NBAS: variants seen among roughly 807,000 people sequenced by gnomAD.
The protein encoded by NBAS is NAG/BC035112 fusion.
NBAS carries 219 observed loss-of-function variants against 302.5 expected under a neutral mutation model. That is an observed-to-expected ratio of 0.72 (90% confidence interval 0.65 to 0.81). The LOEUF (loss-of-function observed/expected upper bound fraction) is 0.81, where lower values mean the gene tolerates loss of function less well. NBAS is among the 30% of genes least tolerant of loss of function. The probability of loss-of-function intolerance (pLI) is 0.00; values close to 1 mark genes in which losing one functional copy is unlikely to be tolerated. For synonymous variants in NBAS, 1,118 were observed against 1,021.6 expected (o/e 1.09, Z -1.80); for missense variants, 2,932 against 2,841.6 (o/e 1.03, Z -0.72).
the NBAS span, among the ~76,000 whole-genome samples, chr2:14,809,593 G>A: frequency 6.6e-6 from 1 of 152,254 alleles, no homozygotes. Context: ...GAAGTTTGCT[G>A]CAGGGGCAGG....
At chr2:14,829,255 T>C in the NBAS span, among the ~76,000 whole-genome samples, 6 of 152,102 alleles carry the variant, frequency 3.9e-5, no homozygotes, top group East Asian at 1.2e-3. Flanking sequence ...ATGACTGCTT[T>C]GAAAGAGTTA....
the NBAS span, among the ~76,000 whole-genome samples, chr2:14,904,667 T>C: frequency 1.3e-5 from 2 of 151,968 alleles, no homozygotes; most frequent in Non-Finnish European, 2.9e-5. Flanking sequence ...ATAGGCTGTG[T>C]CACAGTCAGC....
At chr2:15,498,566 A>G (rs939571749) in intron 11 of NBAS, among the ~76,000 whole-genome samples, 4 of 152,324 alleles carry the variant, frequency 2.6e-5, no homozygotes, top group South Asian at 4.1e-4. Flanking sequence ...CATTCGAACC[A>G]GTAATCCCAT....
At chr2:14,880,717 AT>A in the NBAS span, among the ~76,000 whole-genome samples, 3 of 152,028 alleles carry the variant, frequency 2.0e-5, no homozygotes, top group African/African-American at 7.2e-5. Flanking sequence ...CAACATATAT[AT>A]TTTCTGGAAA....
the NBAS span, among the ~76,000 whole-genome samples, chr2:15,074,991 T>A: frequency 6.6e-6 from 1 of 152,172 alleles, no homozygotes; most frequent in Non-Finnish European, 1.5e-5. Flanking sequence ...ACTGGTAGAA[T>A]GTAATTTGAC....
intron 44 of NBAS, among the ~76,000 whole-genome samples, chr2:15,258,869 C>T (rs932037786): frequency 6.6e-6 from 1 of 152,160 alleles, no homozygotes; most frequent in Non-Finnish European, 1.5e-5. Context: ...CCTGTTCATA[C>T]AACCCGTCCC....
intron 44 of NBAS, among the ~76,000 whole-genome samples, chr2:15,243,996 G>A (rs545869052): frequency 1.3e-5 from 2 of 152,288 alleles, no homozygotes; most frequent in South Asian, 2.1e-4. Context: ...TGGACAAAAT[G>A]ACTCAGGGCA....
At chr2:15,325,411 T>A (rs1672019096) in intron 38 of NBAS, among the ~76,000 whole-genome samples, 1 of 152,162 alleles carries the variant, frequency 6.6e-6, no homozygotes, top group Non-Finnish European at 1.5e-5. Context: ...CATCTGAGCG[T>A]TCAGTAAGTC....
At chr2:15,363,792 C>A (rs1558272723) in intron 32 of NBAS, among the ~76,000 whole-genome samples, 1 of 152,154 alleles carries the variant, frequency 6.6e-6, no homozygotes, top group Non-Finnish European at 1.5e-5. Flanking sequence ...CAAGACAATT[C>A]CAATCTGAGC....
chr2:14,784,129 G>A, the NBAS span, among the ~76,000 whole-genome samples: 6 of 152,264 alleles, frequency 3.9e-5, no homozygotes, highest in East Asian at 1.9e-4. Flanking sequence ...CTTTTGAGAA[G>A]TGTCTGTTCA....
chr2:15,370,718 C>T (rs929577939), intron 31 of NBAS, among the ~76,000 whole-genome samples: 21 of 152,178 alleles, frequency 1.4e-4, no homozygotes, highest in African/African-American at 5.1e-4. Context: ...CTTGCAGGGG[C>T]CTGTGGCCCC....
At chr2:15,065,224 G>A in the NBAS span, among the ~76,000 whole-genome samples, 77,140 of 151,932 alleles carry the variant, frequency 0.51, 21,828 homozygotes, top group Non-Finnish European at 0.62. Flanking sequence ...ATATCTCAAT[G>A]AAGTTGAGAT....
chr2:15,167,207 G>A lies in NBAS; in HGVS notation c.6957C>T (p.Ser2319=), dbSNP rs1664066246. The A allele has an allele frequency of 1.2e-6, 2 of 1,614,158 alleles. No individual in the cohort carries two copies. The highest frequency in any genetic ancestry group is 1.7e-5 in the Admixed American group (1 of 60,014). The part of the protein sequence containing the change: ...YPRIVDHLLA[S]LQQGRWDAEE... ...CTGCATCCCAGCGCCCTTGCTGGAG[G>A]CTAGCCAAGAGGTGGTCAACAATAC... Residue 2319 remains serine (S), a synonymous_variant, in exon 52 of 52, where the codon AGC becomes AGT. Transcript: ENST00000281513.
the NBAS span, among the ~76,000 whole-genome samples, chr2:14,989,119 T>C: frequency 6.6e-6 from 1 of 152,304 alleles, no homozygotes; most frequent in South Asian, 2.1e-4. Flanking sequence ...ATAGTATGTA[T>C]TTTAGAAAAA....
chr2:14,977,448 C>T, the NBAS span, among the ~76,000 whole-genome samples: 1 of 152,196 alleles, frequency 6.6e-6, no homozygotes, highest in Non-Finnish European at 1.5e-5. Flanking sequence ...AATCAAGGCA[C>T]ATTAGAAATA....
At chr2:15,075,212 T>G in the NBAS span, among the ~76,000 whole-genome samples, 1 of 152,318 alleles carries the variant, frequency 6.6e-6, no homozygotes, top group East Asian at 1.9e-4. Context: ...TATGGAGTAT[T>G]CTTTTAAATG....
At chr2:15,420,575 A>C (rs1677163014) in intron 23 of NBAS, among the ~76,000 whole-genome samples, 1 of 152,156 alleles carries the variant, frequency 6.6e-6, no homozygotes, top group Admixed American at 6.5e-5. Flanking sequence ...AAAGAAGGAG[A>C]GGTAAAAGAT....
intron 21 of NBAS, among the ~76,000 whole-genome samples, chr2:15,455,612 T>C (rs1397517106): frequency 6.6e-6 from 1 of 152,088 alleles, no homozygotes; most frequent in Non-Finnish European, 1.5e-5. Context: ...ACTTACTTGG[T>C]GCCAAGCACT....
chr2:14,987,159 G>A, the NBAS span, among the ~76,000 whole-genome samples: 15 of 151,942 alleles, frequency 9.9e-5, no homozygotes. Context: ...TAGAGCACAT[G>A]TACTTTAAAT....
Sources: gnomAD v4.1 joint callset for allele counts (sites outside exome capture counted in the v4.1 genomes callset) on GRCh38, gnomAD v4.1.1 for gene constraint, MANE v1.5 for transcripts, NCBI Gene and HGNC (gene_info 2026-07-23, HGNC 2026-07-21) for gene names.